The following LRRC63 variants were observed in gnomAD, a reference collection of about 807,000 sequenced individuals.
The protein encoded by LRRC63 is leucine rich repeat containing 63, also known as leucine-rich repeat-containing protein 63.
LRRC63 carries 40 observed loss-of-function variants against 49.5 expected under a neutral mutation model. The observed-to-expected ratio is 0.81, with a 90% confidence interval of 0.63 to 1.05. The LOEUF is 1.05. Among genes scored for constraint, LRRC63 ranks in the 50% least tolerant of loss-of-function variants. LRRC63 has a pLI of 0.00. For synonymous variants in LRRC63, 191 were observed against 221.1 expected, an observed-to-expected ratio of 0.86 and a Z score of 1.21; for missense variants, 636 against 663.1, an observed-to-expected ratio of 0.96 and a Z score of 0.45.
At chr13:46,223,652 G>A (rs1483027004) in intron 2 of LRRC63, among the ~76,000 whole-genome samples, 3 of 151,898 alleles carry the variant, frequency 2.0e-5, no homozygotes, top group Non-Finnish European at 2.9e-5. Context: ...TCAGGAGTTC[G>A]AGACCACCTG....
intron 9 of LRRC63, chr13:46,270,113 C>T (rs1200138813): frequency 1.1e-5 from 7 of 658,450 alleles, no homozygotes; most frequent in Non-Finnish European, 2.8e-6. Context: ...GCCGGTGGTG[C>T]CTTTGTTCGT....
chr13:46,240,038 C>T (rs1182292666), intron 5 of LRRC63, among the ~76,000 whole-genome samples: 1 of 151,986 alleles, frequency 6.6e-6, no homozygotes, highest in Non-Finnish European at 1.5e-5. Context: ...GACCCACAGC[C>T]AACAACATAC....
intron 8 of LRRC63, among the ~76,000 whole-genome samples, chr13:46,262,820 G>A (rs1307327852): frequency 6.6e-6 from 1 of 152,118 alleles, no homozygotes; most frequent in East Asian, 1.9e-4. Flanking sequence ...ACAGAATAGA[G>A]AAAAACTATG....
chr13:46,221,170 G>A (rs1362899505), intron 2 of LRRC63, among the ~76,000 whole-genome samples: 1 of 152,118 alleles, frequency 6.6e-6, no homozygotes, highest in East Asian at 1.9e-4. Context: ...ATGAATTGAT[G>A]AGAACAATAA....
intron 2 of LRRC63, among the ~76,000 whole-genome samples, chr13:46,226,077 G>A (rs1485947659): frequency 6.6e-6 from 1 of 151,322 alleles, no homozygotes; most frequent in Non-Finnish European, 1.5e-5. Context: ...TCAATCTCCT[G>A]GGCTCATGGT....
At chr13:46,223,127 G>C (rs1301140543) in intron 2 of LRRC63, among the ~76,000 whole-genome samples, 2 of 150,436 alleles carry the variant, frequency 1.3e-5, no homozygotes, top group East Asian at 3.9e-4. Flanking sequence ...CGAGTTAATG[G>C]GTGCAGCACA....
At chr13:46,240,322 T>G (rs1177211239) in intron 5 of LRRC63, among the ~76,000 whole-genome samples, 1 of 151,938 alleles carries the variant, frequency 6.6e-6, no homozygotes, top group Non-Finnish European at 1.5e-5. Flanking sequence ...AGAGACAGGG[T>G]TTCACTGTGT....
At chr13:46,254,906 G>A (rs941306143) in intron 7 of LRRC63, among the ~76,000 whole-genome samples, 5 of 152,166 alleles carry the variant, frequency 3.3e-5, no homozygotes, top group Admixed American at 3.3e-4. Context: ...GTCCATAGCA[G>A]TTTTATCTGC....
intron 7 of LRRC63, among the ~76,000 whole-genome samples, chr13:46,258,156 T>C (rs1482171071): frequency 1.6e-5 from 2 of 125,686 alleles, no homozygotes; most frequent in African/African-American, 6.5e-5. Flanking sequence ...TGAGACGGAG[T>C]CTTGTTCTTG....
At chr13:46,254,323 A>G (rs60797369) in intron 7 of LRRC63, among the ~76,000 whole-genome samples, 4,539 of 152,206 alleles carry the variant, frequency 0.03, 251 homozygotes, top group African/African-American at 0.1. Flanking sequence ...AGACTCGGGC[A>G]TATTTACAGG....
intron 7 of LRRC63, among the ~76,000 whole-genome samples, chr13:46,252,668 T>G (rs2148169): frequency 0.53 from 80,590 of 151,882 alleles, 24,869 homozygotes; most frequent in African/African-American, 0.85. Flanking sequence ...TGATCCAAAG[T>G]TGACTGAGTG....
At chr13:46,222,562 C>T (rs1430138903) in intron 2 of LRRC63, among the ~76,000 whole-genome samples, 1 of 152,118 alleles carries the variant, frequency 6.6e-6, no homozygotes, top group East Asian at 1.9e-4. Flanking sequence ...CAGGAAACAA[C>T]AGGTGCTGGA....
At chr13:46,214,800 C>A (rs1227445708) in intron 2 of LRRC63, among the ~76,000 whole-genome samples, 1 of 152,118 alleles carries the variant, frequency 6.6e-6, no homozygotes, top group East Asian at 1.9e-4. Context: ...GTGTGTTGTT[C>A]CCCAATCTGT....
intron 5 of LRRC63, among the ~76,000 whole-genome samples, chr13:46,243,427 A>C (rs548987399): frequency 7.2e-5 from 11 of 152,212 alleles, no homozygotes; most frequent in Non-Finnish European, 1.5e-4. Context: ...ACAAAATGAC[A>C]ATAGGAAACC....
chr13:46,231,796 G>A (rs950141656), intron 4 of LRRC63, among the ~76,000 whole-genome samples: 16 of 148,664 alleles, frequency 1.1e-4, no homozygotes, highest in East Asian at 6.0e-4. Flanking sequence ...GTGAGCCACC[G>A]CACCTGGCCT....
intron 9 of LRRC63, among the ~76,000 whole-genome samples, chr13:46,273,117 C>T (rs944696975): frequency 3.9e-5 from 6 of 151,954 alleles, no homozygotes; most frequent in Non-Finnish European, 8.8e-5. Context: ...GGAGGAGGAG[C>T]TGATAACAAA....
chr13:46,228,309 C>T (rs2138408501), intron 3 of LRRC63, 120 bp downstream of exon 3: 1 of 732,446 alleles, frequency 1.4e-6, no homozygotes, highest in East Asian at 2.7e-5. Flanking sequence ...ATGGAATCAC[C>T]TTTTATATAT....
intron 8 of LRRC63, among the ~76,000 whole-genome samples, chr13:46,265,240 G>C (rs547169738): frequency 2.0e-5 from 3 of 152,076 alleles, no homozygotes; most frequent in African/African-American, 7.2e-5. Flanking sequence ...TGTGTCCTCC[G>C]AGGTAAACCA....
intron 7 of LRRC63, among the ~76,000 whole-genome samples, chr13:46,255,541 A>T (rs531503175): frequency 3.3e-5 from 5 of 151,530 alleles, no homozygotes; most frequent in Non-Finnish European, 7.4e-5. Context: ...AGTGGTATGT[A>T]CTTGTAGTCC....
Sources: allele counts gnomAD v4.1 joint callset (sites outside exome capture counted in the v4.1 genomes callset), GRCh38; gene constraint gnomAD v4.1.1; transcripts MANE v1.5; gene names NCBI Gene and HGNC (gene_info 2026-07-23, HGNC 2026-07-21).